Variants in PDE8B observed in about 807,000 individuals in gnomAD.
PDE8B encodes high affinity cAMP-specific and IBMX-insensitive 3',5'-cyclic phosphodiesterase 8B.
In PDE8B, 26 loss-of-function variants were observed where a neutral mutation model predicts 101.3. The ratio of observed to expected loss-of-function variants is 0.26; its 90% confidence interval spans 0.19 to 0.36. The LOEUF (loss-of-function observed/expected upper bound fraction) is 0.36, where lower values mean the gene tolerates loss of function less well. Among genes scored for constraint, PDE8B ranks in the 10% least tolerant of loss-of-function variants. PDE8B has a pLI of 1.00. For missense variants in PDE8B, 810 were observed against 1,163.1 expected (o/e 0.70, Z 4.42); for synonymous variants, 424 against 429.3 (o/e 0.99, Z 0.15).
chr5:77,174,953 A>G, the PDE8B span, among the ~76,000 whole-genome samples: 3 of 152,118 alleles, frequency 2.0e-5, no homozygotes, highest in South Asian at 6.2e-4. Context: ...CCCAAGCAGA[A>G]CTCTTGATTT....
chr5:77,235,716 T>C lies in PDE8B; in HGVS notation c.339+24452T>C, dbSNP rs114335873. 7.2e-3 allele frequency among the ~76,000 whole-genome samples: 1,095 copies of C among 152,296 alleles called. 11 individuals carry two copies. The highest frequency in any genetic ancestry group is 0.025 in the African/African-American group (1,024 of 41,536). ...TTTTCTTCATATCCTTCTCTTTTTT[T>C]CACTTACACCTTCATTCGTCTATTT... On this transcript the variant is annotated intron_variant, in intron 1 of 21. Transcript: ENST00000264917.
At chr5:77,238,681 T>G (rs1258388742) in intron 1 of PDE8B, among the ~76,000 whole-genome samples, 2 of 152,336 alleles carry the variant, frequency 1.3e-5, no homozygotes, top group East Asian at 1.9e-4. Context: ...ATTCTCATGA[T>G]CTGACATCTG....
chr5:77,300,914 G>T (rs377082396), intron 1 of PDE8B, among the ~76,000 whole-genome samples: 17 of 152,358 alleles, frequency 1.1e-4, no homozygotes, highest in African/African-American at 4.1e-4. Context: ...AAAAAAGTGG[G>T]CATTTGCATT....
At chr5:77,323,254 G>A (rs951014753) in intron 2 of PDE8B, among the ~76,000 whole-genome samples, 2 of 152,138 alleles carry the variant, frequency 1.3e-5, no homozygotes, top group African/African-American at 2.4e-5. Flanking sequence ...CATTTTTCTT[G>A]GGAGAGCCAC....
At chr5:77,266,186 A>G (rs1319894304) in intron 1 of PDE8B, among the ~76,000 whole-genome samples, 5 of 152,342 alleles carry the variant, frequency 3.3e-5, no homozygotes, top group Middle Eastern at 6.8e-3. Context: ...CCCAACATCA[A>G]TACTTGCAGG....
At chr5:77,132,792 T>C in the PDE8B span, among the ~76,000 whole-genome samples, 2 of 152,228 alleles carry the variant, frequency 1.3e-5, no homozygotes, top group African/African-American at 4.8e-5. Context: ...TCTTATTCTC[T>C]AGTAGCTTCT....
At chr5:77,129,611 G>A in the PDE8B span, among the ~76,000 whole-genome samples, 6 of 152,234 alleles carry the variant, frequency 3.9e-5, no homozygotes, top group Non-Finnish European at 7.3e-5. Context: ...ACCGGAGGGA[G>A]CAGTGTCCTC....
At chr5:77,130,880 C>T in the PDE8B span, among the ~76,000 whole-genome samples, 1,401 of 152,306 alleles carry the variant, frequency 9.2e-3, 14 homozygotes, top group Non-Finnish European at 0.015. Context: ...TCCCAGTTTA[C>T]TCATGAAGAA....
At chr5:77,087,291 T>G in the PDE8B span, 1 of 152,520 alleles carries the variant, frequency 6.6e-6, no homozygotes, top group African/African-American at 2.4e-5. Context: ...CGTGTGGCCT[T>G]CGCCCGAAAG....
At chr5:77,290,372 A>G in intron 1 of PDE8B, 1 of 1,397,818 alleles carries the variant, frequency 7.2e-7, no homozygotes, top group Non-Finnish European at 1.0e-6. Flanking sequence ...GAGGCCGGGG[A>G]GAGGTTATTA....
intron 1 of PDE8B, among the ~76,000 whole-genome samples, chr5:77,289,031 C>T (rs1766692483): frequency 6.6e-6 from 1 of 152,052 alleles, no homozygotes; most frequent in South Asian, 2.1e-4. Context: ...CTTCGCTTCT[C>T]TTTTTATCTC....
the PDE8B span, among the ~76,000 whole-genome samples, chr5:77,119,925 A>T: frequency 6.6e-6 from 1 of 152,106 alleles, no homozygotes; most frequent in Non-Finnish European, 1.5e-5. Flanking sequence ...TGGGAGGATC[A>T]CTTGAGCCCA....
chr5:77,423,320 A>T (rs1797089955), intron 20 of PDE8B, among the ~76,000 whole-genome samples: 1 of 152,190 alleles, frequency 6.6e-6, no homozygotes, highest in Admixed American at 6.5e-5. Flanking sequence ...TGTCATAAAC[A>T]TGCAAGTACA....
chr5:77,406,114 C>A (rs891058006), intron 12 of PDE8B, among the ~76,000 whole-genome samples: 1 of 151,982 alleles, frequency 6.6e-6, no homozygotes, highest in African/African-American at 2.4e-5. Context: ...TGGTGAAACC[C>A]CCTCTCTACT....
At chr5:77,181,692 T>G in the PDE8B span, among the ~76,000 whole-genome samples, 2 of 152,280 alleles carry the variant, frequency 1.3e-5, no homozygotes, top group East Asian at 3.9e-4. Flanking sequence ...CCAGGCTGCC[T>G]TCCATGGACG....
At chr5:77,097,730 T>TATATATATATATATAC in the PDE8B span, among the ~76,000 whole-genome samples, 2 of 64,794 alleles carry the variant, frequency 3.1e-5, no homozygotes, top group Non-Finnish European at 3.9e-5. Flanking sequence ...TATATATATA[T>TATATATATATATATAC]ATACATACAT....
intron 4 of PDE8B, among the ~76,000 whole-genome samples, chr5:77,329,470 A>G (rs191804683): frequency 4.6e-5 from 7 of 152,304 alleles, no homozygotes; most frequent in African/African-American, 1.7e-4. Flanking sequence ...CATGAGAACA[A>G]AGGGGCACTA....
intron 10 of PDE8B, among the ~76,000 whole-genome samples, chr5:77,379,862 T>G (rs1787119150): frequency 6.6e-6 from 1 of 152,218 alleles, no homozygotes; most frequent in South Asian, 2.1e-4. Context: ...TGTCATTTCA[T>G]TACATGTAAA....
intron 6 of PDE8B, among the ~76,000 whole-genome samples, chr5:77,344,431 A>G (rs923857164): frequency 6.6e-6 from 1 of 152,252 alleles, no homozygotes; most frequent in African/African-American, 2.4e-5. Flanking sequence ...TGAGTAATTT[A>G]TAAGCAACAG....
Sources: gnomAD v4.1 joint callset for allele counts (sites outside exome capture counted in the v4.1 genomes callset) on GRCh38, gnomAD v4.1.1 for gene constraint, MANE v1.5 for transcripts, NCBI Gene and HGNC (gene_info 2026-07-23, HGNC 2026-07-21) for gene names.